RASA1: variants seen among roughly 807,000 people sequenced by gnomAD.
The protein encoded by RASA1 is RAS p21 protein activator 1, also known as ras GTPase-activating protein 1.
RASA1 carries 25 observed loss-of-function variants against 132.2 expected under a neutral mutation model. That is an observed-to-expected ratio of 0.19 (90% CI 0.14 to 0.26). RASA1 has a LOEUF of 0.26. Among genes scored for constraint, RASA1 ranks in the 10% least tolerant of loss-of-function variants. The pLI is 1.00. For synonymous variants in RASA1, 477 were observed against 449.9 expected (o/e 1.06, Z -0.76); for missense variants, 964 against 1,299.2 (o/e 0.74, Z 3.97).
rs1300996941 is a variant in RASA1, at chr5:87,299,051, G to A, written c.539+30061G>A. The stretch of plus-strand genomic sequence containing the variant: ...TTAATGGAACGCTAAGCATCTGGGA[G>A]TTCTTTATATCCTACTGCTCAAGGT... On this transcript the variant is annotated intron_variant, in intron 1 of 24. Transcript: ENST00000274376. Among the ~76,000 whole-genome samples the A allele has an allele frequency of 1.7e-4, 26 of 152,170 alleles. 1 individual carries two copies. The highest frequency in any genetic ancestry group is 1.7e-3 in the Admixed American group (26 of 15,280).
At chr5:87,341,513 A>T (rs1017421860) in intron 6 of RASA1, among the ~76,000 whole-genome samples, 192 bp downstream of exon 6, 13 of 152,170 alleles carry the variant, frequency 8.5e-5, no homozygotes, top group African/African-American at 3.1e-4. Context: ...AATAAAAGGT[A>T]GCTGATAACT....
At chr5:87,367,635 C>T (rs1041355749) in intron 11 of RASA1, among the ~76,000 whole-genome samples, 3 of 152,136 alleles carry the variant, frequency 2.0e-5, no homozygotes, top group African/African-American at 7.2e-5. Context: ...AGAAAGATGT[C>T]TTAGTGACAC....
intron 17 of RASA1, 39 bp downstream of exon 17, chr5:87,377,079 G>A (rs928584222): frequency 1.3e-6 from 2 of 1,582,890 alleles, no homozygotes; most frequent in African/African-American, 2.7e-5. Context: ...AAGAAACTGG[G>A]TTTAGATTTT....
chr5:87,287,435 T>C (rs1220051295), intron 1 of RASA1, among the ~76,000 whole-genome samples: 2 of 145,704 alleles, frequency 1.4e-5, no homozygotes, highest in Non-Finnish European at 3.0e-5. Context: ...ATACACACCA[T>C]ATATATACAC....
chr5:87,351,091 C>A (rs1468796230), intron 8 of RASA1, among the ~76,000 whole-genome samples: 1 of 151,306 alleles, frequency 6.6e-6, no homozygotes, highest in Non-Finnish European at 1.5e-5. Context: ...ATTAACTAAA[C>A]ATGAGACCTT....
Position 87,353,243 on chromosome 5 carries a change from T to C in RASA1, c.1332+8T>C, listed in dbSNP as rs376637789. ...GAACCTGTACCAATGCAGGTCAGTGTTGCATTTCTTATTGCAATAATTAGC... is the reference window on the plus strand; with the variant it reads ...GAACCTGTACCAATGCAGGTCAGTGCTGCATTTCTTATTGCAATAATTAGC... On this transcript the variant is annotated splice_region_variant and intron_variant, in intron 9 of 24. Coordinates refer to ENST00000274376, the MANE Select transcript of RASA1 (RefSeq NM_002890.3). The C allele has an allele frequency of 9.6e-5, 153 of 1,589,160 alleles. 1 individual carries two copies. The highest frequency in any genetic ancestry group is 3.7e-5 in the Non-Finnish European group (43 of 1,158,190).
chr5:87,333,399 A>G, intron 4 of RASA1, 62 bp downstream of exon 4: 2 of 1,592,844 alleles, frequency 1.3e-6, no homozygotes, highest in Non-Finnish European at 1.7e-6. Flanking sequence ...AAGATTTATT[A>G]CTCTTGGACT....
intron 1 of RASA1, among the ~76,000 whole-genome samples, chr5:87,324,642 C>T (rs1757084912): frequency 6.6e-6 from 1 of 152,166 alleles, no homozygotes; most frequent in South Asian, 2.1e-4. Context: ...TACATACACA[C>T]ATGCACGCAT....
At chr5:87,310,531 G>A (rs1755830193) in intron 1 of RASA1, among the ~76,000 whole-genome samples, 1 of 152,118 alleles carries the variant, frequency 6.6e-6, no homozygotes, top group Admixed American at 6.5e-5. Flanking sequence ...TTTGCATAAA[G>A]AAGTAGGAAG....
At chr5:87,305,327 A>T (rs1755559833) in intron 1 of RASA1, among the ~76,000 whole-genome samples, 1 of 152,114 alleles carries the variant, frequency 6.6e-6, no homozygotes, top group African/African-American at 2.4e-5. Context: ...CGGAATAGAG[A>T]ACCTGGAAAT....
At chr5:87,309,380 C>T (rs1178907429) in intron 1 of RASA1, among the ~76,000 whole-genome samples, 1 of 152,006 alleles carries the variant, frequency 6.6e-6, no homozygotes, top group Non-Finnish European at 1.5e-5. Context: ...GAGAAGTTGC[C>T]ATTTTAAATA....
intron 9 of RASA1, among the ~76,000 whole-genome samples, chr5:87,357,388 T>C (rs1451445831): frequency 6.6e-6 from 1 of 152,156 alleles, no homozygotes; most frequent in Non-Finnish European, 1.5e-5. Flanking sequence ...TCCTCAATTC[T>C]AATTCCCCTT....
intron 1 of RASA1, among the ~76,000 whole-genome samples, chr5:87,303,381 C>T (rs1339603807): frequency 6.7e-6 from 1 of 150,224 alleles, no homozygotes; most frequent in Non-Finnish European, 1.5e-5. Flanking sequence ...TCAGGTTTAA[C>T]TTTTTGTCTT....
Position 87,268,863 on chromosome 5 carries a change from C to T in RASA1, c.412C>T (p.Pro138Ser), listed in dbSNP as rs775315018. The T allele has an allele frequency of 3.5e-5, 56 of 1,613,978 alleles. No individual in the cohort carries two copies. Among genetic ancestry groups the T allele is most frequent in the African/African-American group, 2.8e-4 (21 of 74,910 alleles). ...GCCAGGCGGCGGTTTTCCCCCTCTG[C>T]CCCCTCCCCCTTACCTGCCCCCTTT... ...LGPGGGFPPL[P>S]PPPYLPPLGA... The change falls in exon 1 of 25, where the codon CCC becomes TCC. Residue 138 changes from proline (P) to serine (S), a missense_variant. Coordinates refer to ENST00000274376, the MANE Select transcript of RASA1 (RefSeq NM_002890.3).
chr5:87,303,387 G>A (rs1228440032), intron 1 of RASA1, among the ~76,000 whole-genome samples: 1 of 147,326 alleles, frequency 6.8e-6, no homozygotes, highest in African/African-American at 2.5e-5. Flanking sequence ...TTAACTTTTT[G>A]TCTTTTCTAA....
chr5:87,301,988 G>A (rs1420679327), intron 1 of RASA1, among the ~76,000 whole-genome samples: 1 of 152,066 alleles, frequency 6.6e-6, no homozygotes, highest in East Asian at 1.9e-4. Flanking sequence ...GACTATTACA[G>A]ATAGCATTGC....
chr5:87,303,233 ATT>A (rs981728563), intron 1 of RASA1, among the ~76,000 whole-genome samples: 6 of 151,898 alleles, frequency 4.0e-5, no homozygotes, highest in African/African-American at 1.2e-4. Context: ...GACCTTTTTC[ATT>A]TGTTCAGTCT....
At chr5:87,303,444 A>G (rs558712438) in intron 1 of RASA1, among the ~76,000 whole-genome samples, 1 of 151,548 alleles carries the variant, frequency 6.6e-6, no homozygotes, top group South Asian at 2.1e-4. Context: ...CTTCTTTTTT[A>G]ATATAAGCAT....
chr5:87,377,010 A>T lies in RASA1; in HGVS notation c.2314A>T (p.Thr772Ser). The T allele has an allele frequency of 1.9e-6, 3 of 1,613,876 alleles. No homozygotes were observed. The highest frequency in any genetic ancestry group is 2.7e-5 in the African/African-American group (2 of 75,056). ...HEKLESLLLC[T>S]LNDREISMED... ...AAAGCTTGAATCGTTGTTGTTATGC[A>T]CACTAAATGACAGAGAAATAAGCAT... The change falls in exon 17 of 25, where the codon ACA becomes TCA. Residue 772 changes from threonine to serine, a missense_variant. This residue lies in a region of RASA1 where 346 missense variants were observed against 520.1 expected (regional missense o/e 0.67). Coordinates refer to ENST00000274376, the MANE Select transcript of RASA1 (RefSeq NM_002890.3).
Sources: gnomAD v4.1 joint callset for allele counts (sites outside exome capture counted in the v4.1 genomes callset) on GRCh38, gnomAD v4.1.1 for gene constraint, gnomAD v4.1.1 regional missense constraint, MANE v1.5 for transcripts, NCBI Gene and HGNC (gene_info 2026-07-23, HGNC 2026-07-21) for gene names.